The following PDZRN4 variants were observed in gnomAD, a reference collection of about 807,000 sequenced individuals.
The protein encoded by PDZRN4 is PDZ domain containing ring finger 4, also known as PDZ domain-containing RING finger protein 4.
PDZRN4 carries 70 observed loss-of-function variants against 99.0 expected under a neutral mutation model. That is an observed-to-expected ratio of 0.71 (90% CI 0.58 to 0.86). The LOEUF (loss-of-function observed/expected upper bound fraction) is 0.86, where lower values mean the gene tolerates loss of function less well. Ranked by LOEUF, PDZRN4 falls within the 40% of genes least tolerant of loss-of-function variation. The pLI, the probability that PDZRN4 is intolerant of heterozygous loss-of-function variation, is 0.00. For missense variants in PDZRN4, 1,474 were observed against 1,331.2 expected (o/e 1.11, Z -1.67); for synonymous variants, 551 against 501.6 (o/e 1.10, Z -1.32).
intron 3 of PDZRN4, among the ~76,000 whole-genome samples, chr12:41,206,511 A>C (rs1950851862): frequency 6.6e-6 from 1 of 151,322 alleles, no homozygotes; most frequent in African/African-American, 2.4e-5. Flanking sequence ...ATTAAGCTTA[A>C]TTATTTATTA....
intron 5 of PDZRN4, among the ~76,000 whole-genome samples, chr12:41,529,085 C>T (rs371709378): frequency 6.6e-6 from 1 of 152,220 alleles, no homozygotes; most frequent in African/African-American, 2.4e-5. Flanking sequence ...GCAGAATCTC[C>T]GCATTTTAGC....
At chr12:41,201,425 G>A (rs920244535) in intron 3 of PDZRN4, among the ~76,000 whole-genome samples, 1 of 151,934 alleles carries the variant, frequency 6.6e-6, no homozygotes, top group African/African-American at 2.4e-5. Flanking sequence ...CTTGTATTAT[G>A]ATATATATTT....
intron 3 of PDZRN4, among the ~76,000 whole-genome samples, chr12:41,219,541 T>TA (rs1331813536): frequency 1.3e-5 from 2 of 152,106 alleles, no homozygotes; most frequent in Non-Finnish European, 2.9e-5. Flanking sequence ...GCAGCCTTGG[T>TA]AATGTTCTTA....
At chr12:41,263,116 A>ATGTG (rs960546523) in intron 3 of PDZRN4, among the ~76,000 whole-genome samples, 6 of 151,598 alleles carry the variant, frequency 4.0e-5, no homozygotes, top group African/African-American at 1.4e-4. Context: ...AGCAAAAATA[A>ATGTG]TGTGTGTGTG....
At chr12:41,256,292 A>G (rs77085871) in intron 3 of PDZRN4, among the ~76,000 whole-genome samples, 2 of 152,204 alleles carry the variant, frequency 1.3e-5, no homozygotes, top group African/African-American at 4.8e-5. Flanking sequence ...AGGTCCAACT[A>G]TCTCAGAGTC....
chr12:41,332,744 TAAA>T (rs3046824), intron 3 of PDZRN4, among the ~76,000 whole-genome samples: 31,618 of 118,264 alleles, frequency 0.27, 4,356 homozygotes, highest in Non-Finnish European at 0.34. Flanking sequence ...AGAGGAGGAT[TAAA>T]AAAAAAAAAA....
intron 3 of PDZRN4, among the ~76,000 whole-genome samples, chr12:41,376,346 A>G (rs552475839): frequency 5.9e-5 from 9 of 152,248 alleles, no homozygotes; most frequent in Admixed American, 2.6e-4. Flanking sequence ...CCCATCAACA[A>G]TGCACAAGGG....
At chr12:41,423,874 G>A (rs1037387929) in intron 3 of PDZRN4, among the ~76,000 whole-genome samples, 4 of 152,120 alleles carry the variant, frequency 2.6e-5, no homozygotes, top group African/African-American at 9.7e-5. Flanking sequence ...CCTATCAGCA[G>A]CACCATGAGG....
At chr12:41,424,951 T>C (rs976731379) in intron 3 of PDZRN4, among the ~76,000 whole-genome samples, 1 of 152,138 alleles carries the variant, frequency 6.6e-6, no homozygotes. Flanking sequence ...ACAAAGACAT[T>C]GGCAAACATT....
intron 3 of PDZRN4, among the ~76,000 whole-genome samples, chr12:41,217,982 T>C (rs1157765827): frequency 1.3e-5 from 2 of 152,248 alleles, no homozygotes; most frequent in South Asian, 4.1e-4. Context: ...ACAAGTCAGA[T>C]AGCAGAAGGC....
At chr12:41,465,917 A>G (rs931221447) in intron 3 of PDZRN4, among the ~76,000 whole-genome samples, 1 of 152,202 alleles carries the variant, frequency 6.6e-6, no homozygotes, top group Non-Finnish European at 1.5e-5. Context: ...CTTGGTTTCA[A>G]TGCCATTATC....
rs145114905 is a variant in PDZRN4 at position 41,354,998 on chromosome 12, G to A, written c.844-151458G>A. On this transcript the variant is annotated intron_variant, in intron 3 of 9. Transcript: ENST00000402685. The stretch of plus-strand genomic sequence containing the variant: ...CATGTTAGTAGATGCAAAGCACAGA[G>A]AATAGTGGGGAAAGCACCACACTGT... 1.7e-3 allele frequency among the ~76,000 whole-genome samples: 255 copies of A among 152,204 alleles called. 1 individual carries two copies. The highest frequency in any genetic ancestry group is 5.7e-3 in the African/African-American group (235 of 41,552).
intron 3 of PDZRN4, among the ~76,000 whole-genome samples, chr12:41,213,178 T>C (rs1950898808): frequency 6.6e-6 from 1 of 152,064 alleles, no homozygotes; most frequent in South Asian, 2.1e-4. Flanking sequence ...TGAAAGTATT[T>C]AAGCAGGGAA....
At chr12:41,357,506 C>G (rs1054253883) in intron 3 of PDZRN4, among the ~76,000 whole-genome samples, 7 of 151,878 alleles carry the variant, frequency 4.6e-5, no homozygotes, top group African/African-American at 1.7e-4. Flanking sequence ...TATCTAGGGG[C>G]TAGGCATACA....
intron 3 of PDZRN4, among the ~76,000 whole-genome samples, chr12:41,481,163 A>C (rs1229827334): frequency 1.3e-5 from 2 of 152,034 alleles, no homozygotes; most frequent in Non-Finnish European, 2.9e-5. Context: ...CCTGTGAGCC[A>C]TGTCATGATC....
chr12:41,253,235 AT>A (rs1455784682), intron 3 of PDZRN4, among the ~76,000 whole-genome samples: 1 of 152,164 alleles, frequency 6.6e-6, no homozygotes, highest in Non-Finnish European at 1.5e-5. Flanking sequence ...ACACAAAAAA[AT>A]CTTTGCCTAG....
At chr12:41,374,082 G>C (rs766291501) in intron 3 of PDZRN4, among the ~76,000 whole-genome samples, 4 of 152,102 alleles carry the variant, frequency 2.6e-5, no homozygotes, top group African/African-American at 4.8e-5. Flanking sequence ...GGGAGACAGC[G>C]CTGGAGCGAG....
At chr12:41,483,541 C>T (rs911374632) in intron 3 of PDZRN4, among the ~76,000 whole-genome samples, 8 of 152,060 alleles carry the variant, frequency 5.3e-5, no homozygotes, top group African/African-American at 9.7e-5. Flanking sequence ...ATGTAAGAAA[C>T]GCTATTCCTT....
chr12:41,541,037 A>T (rs1049403052), intron 5 of PDZRN4, among the ~76,000 whole-genome samples: 2 of 150,978 alleles, frequency 1.3e-5, no homozygotes, highest in Admixed American at 6.6e-5. Context: ...CCATTCTCCT[A>T]CCTCAGCCTC....
Sources: gnomAD v4.1 joint callset for allele counts (sites outside exome capture counted in the v4.1 genomes callset) on GRCh38, gnomAD v4.1.1 for gene constraint, MANE v1.5 for transcripts, NCBI Gene and HGNC (gene_info 2026-07-23, HGNC 2026-07-21) for gene names.